Variants in KIF3A observed in about 807,000 individuals in gnomAD.
KIF3A encodes kinesin-like protein KIF3A.
A neutral mutation model predicts 92.6 loss-of-function variants in KIF3A; 27 were observed. The observed-to-expected ratio is 0.29, with a 90% CI of 0.21 to 0.40. The LOEUF (loss-of-function observed/expected upper bound fraction) is 0.40. KIF3A is among the 10% of genes least tolerant of loss of function. The probability of loss-of-function intolerance (pLI) is 1.00; values close to 1 mark genes in which losing one functional copy is unlikely to be tolerated. For synonymous variants in KIF3A, 250 were observed against 275.4 expected (o/e 0.91, Z 0.92); for missense variants, 581 against 872.6 (o/e 0.67, Z 4.21).
At position 132,696,625 on chromosome 5, in the gene KIF3A, C is replaced by A; in HGVS notation, c.*9G>T. ...ACTAATTTTTATTGTGACTTTAAGT[C>A]TGTAACATTTACTGCAGTAAAGAGT... On this transcript the variant is annotated 3_prime_UTR_variant, in exon 19 of 19. Transcript: ENST00000403231. 1.3e-6 allele frequency: 2 copies of A among 1,569,720 alleles called. No individual in the cohort carries two copies. Among genetic ancestry groups the A allele is most frequent in the South Asian group, 2.2e-5 (2 of 89,450 alleles).
chr5:132,714,273 G>C (rs1386617207), intron 8 of KIF3A, among the ~76,000 whole-genome samples: 4 of 152,168 alleles, frequency 2.6e-5, no homozygotes, highest in Non-Finnish European at 4.4e-5. Flanking sequence ...GGAACTAGGG[G>C]AAGGGAGGAA....
In KIF3A at chr5:132,692,726, TA is replaced by T. The variant is rs2149886692; in HGVS notation, c.*3907del. On this transcript the variant is annotated 3_prime_UTR_variant, in exon 19 of 19. Coordinates refer to ENST00000403231, the MANE Select transcript of KIF3A (RefSeq NM_001300791.2). Reference sequence around the variant, plus strand: ...GAACAAATACAATTTATACATAAAATACAATGAAAGCATGGCTTTTGAAACT... The same window carrying T: ...GAACAAATACAATTTATACATAAAATCAATGAAAGCATGGCTTTTGAAACT... 1 of 152,824 alleles carries T rather than the reference TA, an allele frequency of 6.5e-6. No individual in the cohort carries two copies. Among genetic ancestry groups the T allele is most frequent in the South Asian group, 2.1e-4 (1 of 4,818 alleles). The allele number at this position is 152,824 out of a possible 1,614,324, so 9.5% of individuals were successfully genotyped here.
chr5:132,717,563 A>C (rs1753671061), intron 5 of KIF3A, among the ~76,000 whole-genome samples: 1 of 152,176 alleles, frequency 6.6e-6, no homozygotes, highest in African/African-American at 2.4e-5. Context: ...AAAAACGTGG[A>C]AAAATGTCCA....
Position 132,706,474 on chromosome 5 carries a change from T to C in KIF3A, c.1301-15A>G. Reference sequence around the variant, plus strand: ...ACCTGCTTGATCTTGCAATAAGAAGTAGTAAGCAAATCGCAGACAGGAAGC... The same window carrying C: ...ACCTGCTTGATCTTGCAATAAGAAGCAGTAAGCAAATCGCAGACAGGAAGC... On this transcript the variant is annotated splice_polypyrimidine_tract_variant and intron_variant, in intron 10 of 18. Coordinates refer to ENST00000403231, the MANE Select transcript of KIF3A (RefSeq NM_001300791.2). 1 of 1,540,248 alleles carries C rather than the reference T, an allele frequency of 6.5e-7. No individual in the cohort carries two copies. The highest frequency in any genetic ancestry group is 8.8e-7 in the Non-Finnish European group (1 of 1,142,802).
chr5:132,701,226 G>C (rs1581064428), intron 15 of KIF3A, among the ~76,000 whole-genome samples: 1 of 152,086 alleles, frequency 6.6e-6, no homozygotes, highest in East Asian at 1.9e-4. Context: ...GGCCAGGCAT[G>C]GTGGTTAACA....
chr5:132,690,086 T>C (rs1440436312), downstream of KIF3A, among the ~76,000 whole-genome samples: 2 of 152,138 alleles, frequency 1.3e-5, no homozygotes, highest in Non-Finnish European at 2.9e-5. Flanking sequence ...AGCATGGTGT[T>C]GCGTCTGTAG....
At chr5:132,715,699 G>C in intron 8 of KIF3A, 58 bp downstream of exon 8, 2 of 1,312,286 alleles carry the variant, frequency 1.5e-6, no homozygotes, top group East Asian at 2.3e-5. Flanking sequence ...AGAACAGTTA[G>C]TGGTTCAACA....
chr5:132,723,881 C>T (rs1276342161), intron 4 of KIF3A, among the ~76,000 whole-genome samples: 1 of 151,432 alleles, frequency 6.6e-6, no homozygotes, highest in Non-Finnish European at 1.5e-5. Context: ...AATGGGAGAA[C>T]ATTTTTGCAA....
chr5:132,698,071 A>G (rs1752898150), intron 18 of KIF3A: 2 of 152,220 alleles, frequency 1.3e-5, no homozygotes, highest in Non-Finnish European at 2.9e-5. Flanking sequence ...AAAAATTTGT[A>G]CATTTTTAAT....
chr5:132,712,096 G>A (rs1753446402), intron 8 of KIF3A, among the ~76,000 whole-genome samples: 1 of 152,180 alleles, frequency 6.6e-6, no homozygotes, highest in Admixed American at 6.5e-5. Flanking sequence ...AGTCTTGGGA[G>A]AAGAAATTTC....
At chr5:132,692,163 T>C (rs552134579), downstream of KIF3A, among the ~76,000 whole-genome samples, 3 of 152,106 alleles carry the variant, frequency 2.0e-5, no homozygotes, top group South Asian at 2.1e-4. Context: ...CAAACTAACA[T>C]AGGAACAGAA....
At chr5:132,719,432 ATCG>A (rs1424881590) in intron 5 of KIF3A, among the ~76,000 whole-genome samples, 1 of 152,044 alleles carries the variant, frequency 6.6e-6, no homozygotes, top group East Asian at 1.9e-4. Flanking sequence ...TGATATATCT[ATCG>A]TCAAGTCACA....
At chr5:132,711,879 TAACTTA>T (rs144707389) in intron 8 of KIF3A, among the ~76,000 whole-genome samples, 1,532 of 152,262 alleles carry the variant, frequency 0.01, 12 homozygotes, top group Admixed American at 0.016. Context: ...AACTACACAT[TAACTTA>T]AAGATAAAAA....
chr5:132,715,649 T>C, intron 8 of KIF3A, 108 bp downstream of exon 8: 1 of 716,802 alleles, frequency 1.4e-6, no homozygotes, highest in Non-Finnish European at 2.3e-6. Context: ...TAACTACCAA[T>C]GTTAGAGGCT....
At chr5:132,727,704 G>A (rs1161556120) in intron 2 of KIF3A, among the ~76,000 whole-genome samples, 1 of 152,148 alleles carries the variant, frequency 6.6e-6, no homozygotes, top group Non-Finnish European at 1.5e-5. Context: ...TTCAATCAGA[G>A]GAGTGACATC....
intron 12 of KIF3A, 26 bp from the exon 13 acceptor site, chr5:132,703,091 A>G (rs1196198571): frequency 6.5e-7 from 1 of 1,538,998 alleles, no homozygotes; most frequent in African/African-American, 1.4e-5. Context: ...AGAATACTCT[A>G]TATTCACTGA....
At chr5:132,726,048 A>T (rs1485568019) in intron 4 of KIF3A, 80 bp downstream of exon 4, 65 of 1,008,090 alleles carry the variant, frequency 6.4e-5, no homozygotes, top group Non-Finnish European at 1.5e-6. Context: ...ACTTTTGTTT[A>T]AAAAAAGAAG....
intron 9 of KIF3A, among the ~76,000 whole-genome samples, chr5:132,709,428 A>G (rs1172804946): frequency 6.6e-6 from 1 of 152,176 alleles, no homozygotes; most frequent in East Asian, 1.9e-4. Context: ...GTCTATCTCC[A>G]CTTTCAGTCT....
At chr5:132,733,459 G>A (rs1036073861) in intron 2 of KIF3A, among the ~76,000 whole-genome samples, 2 of 152,148 alleles carry the variant, frequency 1.3e-5, no homozygotes, top group African/African-American at 4.8e-5. Flanking sequence ...ACAGATGAGA[G>A]AAATTAAGAT....
Sources: gnomAD v4.1 joint callset for allele counts (sites outside exome capture counted in the v4.1 genomes callset) on GRCh38, gnomAD v4.1.1 for gene constraint, MANE v1.5 for transcripts, NCBI Gene and HGNC (gene_info 2026-07-23, HGNC 2026-07-21) for gene names.